The following BRDT variants were observed in gnomAD, a reference collection of about 807,000 sequenced individuals.
BRDT encodes the protein bromodomain testis-specific protein.
In BRDT, 77 loss-of-function variants were observed where a neutral mutation model predicts 113.9. The ratio of observed to expected loss-of-function variants is 0.68; its 90% CI spans 0.56 to 0.82. BRDT has a LOEUF of 0.82. Ranked by LOEUF, BRDT falls within the 40% of genes least tolerant of loss-of-function variation. The probability of loss-of-function intolerance (pLI) is 0.00; values close to 1 mark genes in which losing one functional copy is unlikely to be tolerated. For missense variants in BRDT, 1,027 were observed against 1,105.4 expected (o/e 0.93, Z 1.01); for synonymous variants, 358 against 366.5 (o/e 0.98, Z 0.26).
At chr1:91,982,234 A>AT (rs912692925) in intron 12 of BRDT, among the ~76,000 whole-genome samples, 7 of 151,492 alleles carry the variant, frequency 4.6e-5, no homozygotes, top group African/African-American at 1.2e-4. Flanking sequence ...TGTGAATCAG[A>AT]TTTTTTTTTC....
chr1:92,002,746 A>G (rs1686973646), intron 16 of BRDT, among the ~76,000 whole-genome samples: 1 of 152,188 alleles, frequency 6.6e-6, no homozygotes, highest in African/African-American at 2.4e-5. Context: ...TCATAAAACC[A>G]TCTTTTAGAA....
At chr1:91,952,299 G>A (rs1681181265) in intron 1 of BRDT, 2 of 152,220 alleles carry the variant, frequency 1.3e-5, no homozygotes, top group Non-Finnish European at 2.9e-5. Context: ...TTAGAGGAAT[G>A]TTGGGGGAAA....
intron 18 of BRDT, among the ~76,000 whole-genome samples, chr1:92,009,037 A>G (rs1687576296): frequency 6.6e-6 from 1 of 152,154 alleles, no homozygotes; most frequent in Non-Finnish European, 1.5e-5. Flanking sequence ...TATAGTCTCC[A>G]TGTTGTATAT....
chr1:91,992,405 A>G, intron 14 of BRDT, 91 bp downstream of exon 14: 1 of 490,530 alleles, frequency 2.0e-6, no homozygotes, highest in Non-Finnish European at 3.2e-6. Flanking sequence ...AATAGCATGA[A>G]GAGAGGCAAA....
chr1:91,995,603 CAGG>C (rs1686246777), intron 15 of BRDT, among the ~76,000 whole-genome samples: 6 of 151,652 alleles, frequency 4.0e-5, no homozygotes, highest in Admixed American at 6.6e-5. Context: ...GCTGGGATTA[CAGG>C]CATGTGCCAC....
intron 4 of BRDT, 130 bp downstream of exon 4, chr1:91,968,390 G>A (rs2101606348): frequency 7.5e-7 from 1 of 1,328,272 alleles, no homozygotes; most frequent in South Asian, 1.6e-5. Flanking sequence ...AATAAAAAAT[G>A]TCCATTTGAA....
At chr1:91,950,233 G>C (rs1011596936) in intron 1 of BRDT, 12 of 152,214 alleles carry the variant, frequency 7.9e-5, no homozygotes, top group Admixed American at 7.9e-4. Context: ...TGGATCACCT[G>C]AGGTCAGGAG....
chr1:91,977,523 G>T, intron 6 of BRDT, 130 bp downstream of exon 6: 1 of 765,412 alleles, frequency 1.3e-6, no homozygotes, highest in Non-Finnish European at 2.0e-6. Flanking sequence ...TATCTGGAGT[G>T]AGTCTCTGGA....
intron 15 of BRDT, among the ~76,000 whole-genome samples, chr1:92,001,569 G>A (rs2101794669): frequency 6.6e-6 from 1 of 152,218 alleles, no homozygotes; most frequent in African/African-American, 2.4e-5. Context: ...GGTGGTGGGT[G>A]CCTGTAATCC....
intron 4 of BRDT, among the ~76,000 whole-genome samples, chr1:91,972,594 A>G (rs1476032316): frequency 6.6e-6 from 1 of 152,190 alleles, no homozygotes; most frequent in African/African-American, 2.4e-5. Flanking sequence ...CTCTCATGTA[A>G]CAAGTACTGC....
chr1:91,998,129 T>G (rs971567967), intron 15 of BRDT, among the ~76,000 whole-genome samples: 1 of 152,240 alleles, frequency 6.6e-6, no homozygotes, highest in Non-Finnish European at 1.5e-5. Flanking sequence ...CTTATCCTTA[T>G]AGTTTACCCT....
chr1:92,005,442 A>G, intron 18 of BRDT, 143 bp downstream of exon 18: 1 of 723,450 alleles, frequency 1.4e-6, no homozygotes, highest in Non-Finnish European at 2.0e-6. Flanking sequence ...AGGTTCTAAA[A>G]TTAAAGCTTA....
At chr1:91,964,909 AATT>A in intron 3 of BRDT, 145 bp downstream of exon 3, 1 of 396,806 alleles carries the variant, frequency 2.5e-6, no homozygotes, top group Non-Finnish European at 3.9e-6. Context: ...GTGTGTATAT[AATT>A]TTTTTTTTTT....
At chr1:91,988,588 G>A (rs992188947) in intron 12 of BRDT, among the ~76,000 whole-genome samples, 6 of 151,720 alleles carry the variant, frequency 4.0e-5, no homozygotes, top group East Asian at 1.9e-4. Context: ...TTTGGTAGGC[G>A]GGGGGTTTCA....
At position 91,979,726 on chromosome 1, in the gene BRDT, G is replaced by T. The variant is rs769466568; in HGVS notation, c.1256G>T (p.Arg419Leu). 2 of 1,610,760 alleles carry T rather than the reference G, an allele frequency of 1.2e-6. No homozygotes were observed. The highest frequency in any genetic ancestry group is 1.7e-6 in the Non-Finnish European group (2 of 1,179,252). Residue 419 changes from arginine (R) to leucine (L), a missense_variant, in exon 8 of 19, where the codon CGA (arginine) becomes CTA (leucine). Physicochemically the swap from Arg to Leu is moderately radical, Grantham distance 102 (BLOSUM62 -2). Transcript: ENST00000399546. ...TCTTCTGATGATTCTGAAGATGAGC[G>T]AGTTAAGCGTCTTGCAAAGCTTCAG... The part of the protein sequence containing the change: ...GNSSDDSEDE[R>L]VKRLAKLQEQ...
At chr1:91,976,169 C>T in intron 4 of BRDT, 97 bp from the exon 5 acceptor site, 1 of 1,269,586 alleles carries the variant, frequency 7.9e-7, no homozygotes, top group Admixed American at 3.0e-5. Flanking sequence ...GCTTATATTG[C>T]TAAAAAGCTG....
chr1:91,981,073 C>T lies in BRDT; in HGVS notation c.1645C>T (p.Pro549Ser). ...AGAGCCTTCTCTGAGCAATTCCAAT[C>T]CTGATGAGATAGAGATAGACTTTGA... ...SREPSLSNSN[P>S]DEIEIDFETL... The change falls in exon 10 of 19, where the codon CCT (proline) becomes TCT (serine). Residue 549 changes from proline (P) to serine (S), a missense_variant. Transcript: ENST00000399546. 6.2e-7 allele frequency: 1 copy of T among 1,614,016 alleles called. No homozygotes were observed. Among genetic ancestry groups the T allele is most frequent in the Non-Finnish European group, 8.5e-7 (1 of 1,179,946 alleles).
chr1:92,002,513 A>G (rs1050052794), intron 16 of BRDT, among the ~76,000 whole-genome samples: 3 of 151,980 alleles, frequency 2.0e-5, no homozygotes, highest in Non-Finnish European at 2.9e-5. Context: ...ACAGGTGTGT[A>G]CCACCATGCC....
intron 1 of BRDT, among the ~76,000 whole-genome samples, chr1:91,958,653 C>G (rs1393026913): frequency 6.6e-6 from 1 of 152,074 alleles, no homozygotes; most frequent in Non-Finnish European, 1.5e-5. Flanking sequence ...CTATAAACAT[C>G]CTGTGTAAGT....
Sources: allele counts gnomAD v4.1 joint callset (sites outside exome capture counted in the v4.1 genomes callset), GRCh38; gene constraint gnomAD v4.1.1; transcripts MANE v1.5; gene names NCBI Gene and HGNC (gene_info 2026-07-23, HGNC 2026-07-21).